PTPRD: variants seen among roughly 807,000 people sequenced by gnomAD.
The protein encoded by PTPRD is protein tyrosine phosphatase receptor type D, also known as receptor-type tyrosine-protein phosphatase delta.
Under a neutral mutation model 214.5 loss-of-function variants are expected in PTPRD, and 34 were observed. The ratio of observed to expected loss-of-function variants is 0.16; its 90% CI spans 0.12 to 0.21. The LOEUF (loss-of-function observed/expected upper bound fraction) is 0.21. PTPRD is among the 10% of genes least tolerant of loss of function. The pLI is 1.00. For synonymous variants in PTPRD, 1,128 were observed against 845.7 expected, an observed-to-expected ratio of 1.33 and a Z score of -5.79; for missense variants, 2,545 against 2,398.7, an observed-to-expected ratio of 1.06 and a Z score of -1.27.
chr9:8,456,006 G>C (rs1482787175), intron 33 of PTPRD, among the ~76,000 whole-genome samples: 1 of 152,134 alleles, frequency 6.6e-6, no homozygotes, highest in Non-Finnish European at 1.5e-5. Flanking sequence ...TTAAATTATA[G>C]GCCGAGGATT....
In PTPRD at chr9:9,886,262, TCTC is replaced by T. The variant is rs374719930; in HGVS notation, c.-368+52242_-368+52244del. Among the ~76,000 whole-genome samples the T allele has an allele frequency of 1.3e-3, 204 of 152,160 alleles. 3 individuals are homozygous for T. Among genetic ancestry groups the T allele is most frequent in the African/African-American group, 4.8e-3 (200 of 41,538 alleles). On this transcript the variant is annotated intron_variant, in intron 5 of 45. Transcript: ENST00000381196. Reference sequence around the variant, plus strand: ...GCTATATGCCCGTCACTGCTCTGGGTCTCCTGTTTTATATGTTTGAATTGGAAT... The same window carrying T: ...GCTATATGCCCGTCACTGCTCTGGGTCTGTTTTATATGTTTGAATTGGAAT...
intron 37 of PTPRD, among the ~76,000 whole-genome samples, chr9:8,382,261 G>C (rs2085343915): frequency 1.3e-5 from 2 of 152,190 alleles, no homozygotes; most frequent in South Asian, 4.1e-4. Flanking sequence ...ATAAAGAACA[G>C]AGAAAAACCA....
intron 3 of PTPRD, among the ~76,000 whole-genome samples, chr9:10,233,190 A>C (rs2099617775): frequency 6.6e-6 from 1 of 152,056 alleles, no homozygotes; most frequent in African/African-American, 2.4e-5. Flanking sequence ...ATATCAATGA[A>C]GATAATTCTG....
chr9:10,391,428 G>T (rs1204934582), intron 2 of PTPRD, among the ~76,000 whole-genome samples: 1 of 151,656 alleles, frequency 6.6e-6, no homozygotes, highest in Admixed American at 6.6e-5. Flanking sequence ...TGTTGAGCAT[G>T]GTCTAGCCTT....
chr9:10,562,833 G>A (rs887748845), intron 2 of PTPRD, among the ~76,000 whole-genome samples: 1 of 152,046 alleles, frequency 6.6e-6, no homozygotes, highest in Non-Finnish European at 1.5e-5. Context: ...GAGACTTAGA[G>A]TCAAGATTTG....
intron 32 of PTPRD, 36 bp from the exon 33 acceptor site, chr9:8,460,607 A>G: frequency 6.3e-7 from 1 of 1,590,198 alleles, no homozygotes; most frequent in Non-Finnish European, 8.5e-7. Flanking sequence ...GTTATAAAAT[A>G]ATGACTTTCT....
At chr9:8,360,052 A>G (rs570928504) in intron 39 of PTPRD, among the ~76,000 whole-genome samples, 38 of 152,360 alleles carry the variant, frequency 2.5e-4, no homozygotes, top group African/African-American at 8.4e-4. Flanking sequence ...TGTTTATTCC[A>G]AAAATAATCA....
chr9:10,306,975 A>G (rs1340946983), intron 3 of PTPRD, among the ~76,000 whole-genome samples: 1 of 152,130 alleles, frequency 6.6e-6, no homozygotes, highest in Admixed American at 6.6e-5. Flanking sequence ...TATGGGGTAC[A>G]TGTGATATTT....
chr9:9,379,283 T>C (rs1389335575), intron 9 of PTPRD, among the ~76,000 whole-genome samples: 1 of 150,512 alleles, frequency 6.6e-6, no homozygotes, highest in Non-Finnish European at 1.5e-5. Flanking sequence ...CTCCCATTTG[T>C]TGAAAGGATT....
chr9:9,411,275 T>TTTTTTTA (rs1198386021), intron 8 of PTPRD, among the ~76,000 whole-genome samples: 1 of 151,274 alleles, frequency 6.6e-6, no homozygotes, highest in African/African-American at 2.4e-5. Flanking sequence ...TTTTTTTTTT[T>TTTTTTTA]ACGATAATTA....
Position 8,832,410 on chromosome 9 carries a change from C to CTTTTTTTTTTT in PTPRD, c.-103-98475_-103-98465dup. ...TAAAGCAAGGGGCAGCTAAAATCAT[C>CTTTTTTTTTTT]TTTTTTTTTTTTTTTTTTTGTCAAA... On this transcript the variant is annotated intron_variant, in intron 11 of 45. Coordinates refer to ENST00000381196, the MANE Select transcript of PTPRD (RefSeq NM_002839.4). 1.6e-5 allele frequency among the ~76,000 whole-genome samples: 2 copies of CTTTTTTTTTTT among 127,970 alleles called. 1 individual carries two copies. Among genetic ancestry groups the CTTTTTTTTTTT allele is most frequent in the Non-Finnish European group, 3.2e-5 (2 of 62,082 alleles). 84.0% of individuals were successfully genotyped at this position (127,970 alleles called of 152,430 possible).
intron 39 of PTPRD, among the ~76,000 whole-genome samples, chr9:8,370,506 G>T (rs933126309): frequency 2.6e-5 from 4 of 152,094 alleles, no homozygotes; most frequent in Admixed American, 1.3e-4. Flanking sequence ...TGACTGCTCA[G>T]TAATACTTGG....
In PTPRD at chr9:9,458,964, C is replaced by T. The variant is rs192303629; in HGVS notation, c.-236-61482G>A. ...AAAAATGAAAACAAACAAACACATA[C>T]ACATACACAAAAGAAAATAAATCAG... On this transcript the variant is annotated intron_variant, in intron 8 of 45. Transcript: ENST00000381196. Among the ~76,000 whole-genome samples, 64 of 152,090 alleles carry T rather than the reference C, an allele frequency of 4.2e-4. 3 individuals are homozygous for T. In the East Asian group the frequency reaches 4.9e-3, roughly 12 times the overall value.
intron 5 of PTPRD, among the ~76,000 whole-genome samples, chr9:9,905,487 A>C (rs2077340871): frequency 6.6e-6 from 1 of 151,956 alleles, no homozygotes. Context: ...TTGGCTCTAC[A>C]TACCTATATA....
At chr9:10,285,258 A>T (rs556918722) in intron 3 of PTPRD, among the ~76,000 whole-genome samples, 1 of 144,798 alleles carries the variant, frequency 6.9e-6, no homozygotes, top group East Asian at 2.0e-4. Flanking sequence ...TAGCAAAGAG[A>T]CTACTTGTTT....
intron 12 of PTPRD, among the ~76,000 whole-genome samples, chr9:8,649,166 A>G (rs1166645061): frequency 2.0e-5 from 3 of 152,244 alleles, no homozygotes; most frequent in African/African-American, 7.2e-5. Context: ...TTTCCAGTGT[A>G]TCAACTACAT....
At chr9:9,563,312 G>A (rs1430480547) in intron 8 of PTPRD, among the ~76,000 whole-genome samples, 1 of 152,086 alleles carries the variant, frequency 6.6e-6, no homozygotes, top group African/African-American at 2.4e-5. Flanking sequence ...CTACCTTATG[G>A]ATAGACTATT....
intron 4 of PTPRD, among the ~76,000 whole-genome samples, chr9:10,014,847 T>C (rs1464099225): frequency 6.6e-6 from 1 of 152,086 alleles, no homozygotes; most frequent in African/African-American, 2.4e-5. Flanking sequence ...AATTGTGTTT[T>C]TTCTTCTATC....
chr9:9,904,621 A>T (rs1455407697), intron 5 of PTPRD, among the ~76,000 whole-genome samples: 2 of 152,024 alleles, frequency 1.3e-5, no homozygotes, highest in Non-Finnish European at 1.5e-5. Context: ...ATCCTGTCTC[A>T]AAAGGATTAA....
Sources: gnomAD v4.1 joint callset for allele counts (sites outside exome capture counted in the v4.1 genomes callset) on GRCh38, gnomAD v4.1.1 for gene constraint, MANE v1.5 for transcripts, NCBI Gene and HGNC (gene_info 2026-07-23, HGNC 2026-07-21) for gene names.